Variants in HIPK3 observed in about 807,000 individuals in gnomAD.
HIPK3 encodes the protein homeodomain interacting protein kinase 3.
In HIPK3, 47 loss-of-function variants were observed where a neutral mutation model predicts 124.2. That is an observed-to-expected ratio of 0.38 (90% CI 0.30 to 0.48). HIPK3 has a LOEUF of 0.48. HIPK3 is among the 20% of genes least tolerant of loss of function. The probability of loss-of-function intolerance (pLI) is 0.98; values close to 1 mark genes in which losing one functional copy is unlikely to be tolerated. For missense variants in HIPK3, 1,286 were observed against 1,454.3 expected, an observed-to-expected ratio of 0.88 and a Z score of 1.88; for synonymous variants, 482 against 515.2, an observed-to-expected ratio of 0.94 and a Z score of 0.87.
At chr11:33,260,889 TGTA>T (rs991716397) in intron 1 of HIPK3, among the ~76,000 whole-genome samples, 6 of 152,068 alleles carry the variant, frequency 3.9e-5, no homozygotes, top group Non-Finnish European at 1.5e-5. Flanking sequence ...AGACTCCCAA[TGTA>T]GTATGTTTAA....
At chr11:33,278,536 T>C (rs2133888038) in intron 1 of HIPK3, among the ~76,000 whole-genome samples, 1 of 152,320 alleles carries the variant, frequency 6.6e-6, no homozygotes, top group South Asian at 2.1e-4. Flanking sequence ...CCTACTTGTG[T>C]TTCTTGGTGT....
At chr11:33,341,153 T>C (rs546606078) in intron 7 of HIPK3, 26 bp downstream of exon 7, 2 of 1,503,028 alleles carry the variant, frequency 1.3e-6, no homozygotes, top group African/African-American at 2.8e-5. Context: ...AATTAATAAC[T>C]TAGGGTCTTT....
intron 1 of HIPK3, among the ~76,000 whole-genome samples, chr11:33,280,280 T>C (rs573837374): frequency 1.4e-4 from 22 of 152,060 alleles, no homozygotes; most frequent in African/African-American, 4.8e-4. Context: ...CAATGAAAAA[T>C]AGGAAATAGT....
chr11:33,341,974 G>C (rs770198975), intron 8 of HIPK3, among the ~76,000 whole-genome samples: 1 of 151,916 alleles, frequency 6.6e-6, no homozygotes, highest in African/African-American at 2.4e-5. Flanking sequence ...GGTGGTGCGT[G>C]CCTGTAGTCC....
chr11:33,319,604 A>G (rs1202556482), intron 2 of HIPK3, among the ~76,000 whole-genome samples: 1 of 152,144 alleles, frequency 6.6e-6, no homozygotes, highest in Admixed American at 6.5e-5. Context: ...CAAAATGGCT[A>G]TGTAAGAGTC....
At chr11:33,295,564 A>G (rs7948508) in intron 2 of HIPK3, among the ~76,000 whole-genome samples, 1,716 of 152,380 alleles carry the variant, frequency 0.011, 27 homozygotes, top group African/African-American at 0.039. Flanking sequence ...CCTCGTTCAC[A>G]TAGTACCCAG....
chr11:33,304,040 A>G (rs1852080802), intron 2 of HIPK3, among the ~76,000 whole-genome samples: 1 of 152,128 alleles, frequency 6.6e-6, no homozygotes, highest in South Asian at 2.1e-4. Flanking sequence ...TCCCAGGTTC[A>G]TGCGATTCCT....
intron 1 of HIPK3, among the ~76,000 whole-genome samples, chr11:33,272,368 T>C (rs1359761237): frequency 4.0e-5 from 6 of 151,224 alleles, no homozygotes; most frequent in Admixed American, 3.3e-4. Context: ...CACTACACTC[T>C]AGCCTGGGCG....
At chr11:33,270,811 A>G (rs1263795661) in intron 1 of HIPK3, among the ~76,000 whole-genome samples, 1 of 152,102 alleles carries the variant, frequency 6.6e-6, no homozygotes, top group Non-Finnish European at 1.5e-5. Flanking sequence ...AGAATAAAAA[A>G]TGTGATAAGA....
chr11:33,355,665 C>CTT lies in HIPK3; in HGVS notation c.*2097_*2098insTT. ...CACAAGCAGTGTTTTATTTAATAAT[C>CTT]ATCAATGAAATAAATGTGCCTGAAA... On this transcript the variant is annotated 3_prime_UTR_variant, in exon 17 of 17. Transcript: ENST00000303296. The CTT allele has an allele frequency of 6.6e-6, 1 of 151,862 alleles. No homozygotes were observed. The highest frequency in any genetic ancestry group is 1.5e-5 in the Non-Finnish European group (1 of 67,858). The allele number at this position is 151,862 out of a possible 1,614,324, so 9.4% of individuals were successfully genotyped here.
chr11:33,315,319 G>A (rs988063165), intron 2 of HIPK3, among the ~76,000 whole-genome samples: 4 of 152,020 alleles, frequency 2.6e-5, no homozygotes, highest in South Asian at 2.1e-4. Flanking sequence ...CTTGGCCTCC[G>A]GGGCTCAAGC....
chr11:33,273,677 G>T (rs186956116), intron 1 of HIPK3, among the ~76,000 whole-genome samples: 1 of 152,100 alleles, frequency 6.6e-6, no homozygotes, highest in East Asian at 1.9e-4. Flanking sequence ...GCAGTATAAG[G>T]CATATTAGGA....
Position 33,338,780 on chromosome 11 carries a change from G to A in HIPK3, c.1365G>A (p.Glu455=). 1 of 1,611,820 alleles carries A rather than the reference G, an allele frequency of 6.2e-7. No homozygotes were observed. Among genetic ancestry groups the A allele is most frequent in the Non-Finnish European group, 8.5e-7 (1 of 1,178,322 alleles). The change falls in exon 5 of 17, where the codon GAG becomes GAA. Residue 455 remains glutamate (E), a synonymous_variant. Transcript: ENST00000303296. ...AGACATTGGAAGAGCATGAGGCAGA[G>A]ACAGGAATGAAGTCTAAAGAAGCCA... ...RLKTLEEHEA[E]TGMKSKEARK...
chr11:33,340,864 G>A (rs1190393004), intron 6 of HIPK3, 104 bp from the exon 7 acceptor site: 1 of 623,510 alleles, frequency 1.6e-6, no homozygotes, highest in Non-Finnish European at 2.6e-6. Flanking sequence ...TGCAAATTAG[G>A]ATTTTTTTCT....
At chr11:33,335,075 T>C (rs1853100200) in intron 3 of HIPK3, among the ~76,000 whole-genome samples, 1 of 152,132 alleles carries the variant, frequency 6.6e-6, no homozygotes, top group Admixed American at 6.6e-5. Context: ...GTTTCTGATT[T>C]GAGTGGATGG....
intron 2 of HIPK3, among the ~76,000 whole-genome samples, chr11:33,326,385 A>T (rs967844837): frequency 6.6e-6 from 1 of 152,206 alleles, no homozygotes; most frequent in African/African-American, 2.4e-5. Flanking sequence ...TTAAGAAATT[A>T]GCAGGCTTAT....
chr11:33,316,936 G>A (rs912272398), intron 2 of HIPK3, among the ~76,000 whole-genome samples: 2 of 152,112 alleles, frequency 1.3e-5, no homozygotes, highest in Non-Finnish European at 2.9e-5. Context: ...TTCCTTTGCA[G>A]TCTCAAAGAC....
rs183953755 is a variant in HIPK3, at chr11:33,291,005, A to G, written c.1097+3494A>G. Among the ~76,000 whole-genome samples the G allele has an allele frequency of 7.2e-5, 11 of 152,330 alleles. No individual in the cohort carries two copies. The East Asian group carries it at 2.1e-3, about 29-fold the overall frequency. ...GCATTTTGGTTGATGTTGCCTCGATAAAAAACTAAAAATAGATTTTATGTC... is the reference window on the plus strand; with the variant it reads ...GCATTTTGGTTGATGTTGCCTCGATGAAAAACTAAAAATAGATTTTATGTC... On this transcript the variant is annotated intron_variant, in intron 2 of 16. Transcript: ENST00000303296.
At chr11:33,285,063 A>AT (rs1851511659) in intron 1 of HIPK3, among the ~76,000 whole-genome samples, 1 of 152,220 alleles carries the variant, frequency 6.6e-6, no homozygotes, top group Non-Finnish European at 1.5e-5. Flanking sequence ...AATATTAAAT[A>AT]TGCCAGAATA....
Sources: gnomAD v4.1 joint callset for allele counts (sites outside exome capture counted in the v4.1 genomes callset) on GRCh38, gnomAD v4.1.1 for gene constraint, MANE v1.5 for transcripts, NCBI Gene and HGNC (gene_info 2026-07-23, HGNC 2026-07-21) for gene names.